The following ZNF512B variants were observed in gnomAD, a reference collection of about 807,000 sequenced individuals.
ZNF512B encodes the protein zinc finger protein 512B.
A neutral mutation model predicts 87.8 loss-of-function variants in ZNF512B; 22 were observed. The ratio of observed to expected loss-of-function variants is 0.25; its 90% confidence interval spans 0.18 to 0.36. The LOEUF is 0.36. Ranked by LOEUF, ZNF512B falls within the 10% of genes least tolerant of loss-of-function variation. The pLI is 1.00. For synonymous variants in ZNF512B, 524 were observed against 490.9 expected, an observed-to-expected ratio of 1.07 and a Z score of -0.89; for missense variants, 1,060 against 1,231.6, an observed-to-expected ratio of 0.86 and a Z score of 2.09.
chr20:63,968,620 G>A (rs562551511), intron 1 of ZNF512B, among the ~76,000 whole-genome samples: 34 of 152,326 alleles, frequency 2.2e-4, no homozygotes, highest in East Asian at 1.2e-3. Context: ...CCAAGCTCCC[G>A]TCCCTGTGCC....
chr20:63,961,462 T>G lies in ZNF512B; in HGVS notation c.2329-55A>C. 6.5e-7 allele frequency: 1 copy of G among 1,537,268 alleles called. No homozygotes were observed. The highest frequency in any genetic ancestry group is 8.9e-7 in the Non-Finnish European group (1 of 1,119,650). On this transcript the variant is annotated intron_variant, in intron 15 of 16. Coordinates refer to ENST00000369888, the MANE Select transcript of ZNF512B (RefSeq NM_020713.3). The surrounding 1 kb of genome is among the most constrained non-coding windows in gnomAD (Gnocchi z 6.4). ...GCCCTTGGAGGACCCAGATCTGTCC[T>G]AAGCCCCTACTCATGGCTAAAGGGT...
chr20:63,960,015 C>T lies in ZNF512B; in HGVS notation c.2552G>A (p.Arg851Gln), dbSNP rs200683378. The T allele has an allele frequency of 3.2e-5, 51 of 1,613,550 alleles. No individual in the cohort carries two copies. The East Asian group carries it at 3.8e-4, about 12-fold the overall frequency. The change falls in exon 17 of 17, where the codon CGG (arginine) becomes CAG (glutamine). Residue 851 changes from arginine to glutamine, a missense_variant. Arg to Gln is a conservative substitution (Grantham distance 43). Around this residue, in one of 9 missense-constraint regions of ZNF512B, gnomAD observed 253 missense variants for 259.2 expected, o/e 0.98. Coordinates refer to ENST00000369888, the MANE Select transcript of ZNF512B (RefSeq NM_020713.3). ...CTTGGCCACAGGCTCCTCTGGGGTC[C>T]GCTCCTTGGGCTTTCGGCCCCGCTT... ...GKKRGRKPKE[R>Q]TPEEPVAKLP...
intron 12 of ZNF512B, 123 bp downstream of exon 12, chr20:63,962,972 G>A: frequency 2.2e-6 from 3 of 1,342,624 alleles, no homozygotes; most frequent in Non-Finnish European, 3.0e-6. Flanking sequence ...GTCTCTTACA[G>A]AGAGGGGTGG....
Position 63,957,074 on chromosome 20 carries a change from C to G in ZNF512B, c.*2814G>C, listed in dbSNP as rs990241215. The stretch of plus-strand genomic sequence containing the variant: ...CTGGGGGAGCCGCCTGGGGCCCCGC[C>G]AAACGCGGCACACGGGGACGGCCCC... On this transcript the variant is annotated 3_prime_UTR_variant, in exon 17 of 17. Coordinates refer to ENST00000369888, the MANE Select transcript of ZNF512B (RefSeq NM_020713.3). 2 of 152,476 alleles carry G rather than the reference C, an allele frequency of 1.3e-5. No homozygotes were observed. The highest frequency in any genetic ancestry group is 2.9e-5 in the Non-Finnish European group (2 of 68,042). The allele number at this position is 152,476 out of a possible 1,614,324, so 9.4% of individuals were successfully genotyped here.
rs774245464 is a variant in ZNF512B, at chr20:63,962,016, G to T, written c.2266-12C>A. On this transcript the variant is annotated splice_polypyrimidine_tract_variant and intron_variant, in intron 14 of 16. Transcript: ENST00000369888. ...ATGGCTTCACAGCACTGCAGGGAAG[G>T]GAGCCGTGGGCGAAGGCCTCTGGTG... 1 of 1,550,870 alleles carries T rather than the reference G, an allele frequency of 6.4e-7. No individual in the cohort carries two copies. Among genetic ancestry groups the T allele is most frequent in the South Asian group, 1.2e-5 (1 of 84,066 alleles).
At chr20:63,969,577 C>A (rs946535983) in intron 1 of ZNF512B, among the ~76,000 whole-genome samples, 9 of 146,272 alleles carry the variant, frequency 6.2e-5, no homozygotes, top group Admixed American at 2.0e-4. Context: ...CGGGCAGGGC[C>A]GATCGCGGGC....
Position 63,964,684 on chromosome 20 carries a change from G to A in ZNF512B, c.1067C>T (p.Pro356Leu). 3.7e-6 allele frequency: 6 copies of A among 1,611,802 alleles called. No homozygotes were observed. Among genetic ancestry groups the A allele is most frequent in the Non-Finnish European group, 5.1e-6 (6 of 1,179,976 alleles). The change falls in exon 6 of 17, where the codon CCA (proline) becomes CTA (leucine). Residue 356 changes from proline to leucine, a missense_variant. Physicochemically the swap from Pro to Leu is moderately conservative, Grantham distance 98. Coordinates refer to ENST00000369888, the MANE Select transcript of ZNF512B (RefSeq NM_020713.3). ...ATTCTCTGGCCTGGCCTGCTTGGGT[G>A]GAATTGGGCAGGTGTCCAGGCTGTC... is the stretch of plus-strand genomic sequence containing the variant. The part of the protein sequence containing the change: ...AADSLDTCPI[P>L]PKQARPENGE...
Position 63,967,835 on chromosome 20 carries a change from T to G in ZNF512B, c.116A>C (p.Lys39Thr), listed in dbSNP as rs1569200471. Residue 39 changes from lysine to threonine, a missense_variant, in exon 2 of 17, where the codon AAG (lysine) becomes ACG (threonine). Transcript: ENST00000369888. ...VRLPMLHDPP[K>T]MGMPVVRGGQ... ...CTGGCCCTGACTCCTCTTACCCATC[T>G]TCGGTGGGTCATGCAGCATTGGAAG... is the stretch of plus-strand genomic sequence containing the variant. 6.2e-7 allele frequency: 1 copy of G among 1,611,978 alleles called. No individual in the cohort carries two copies. Among genetic ancestry groups the G allele is most frequent in the East Asian group, 2.2e-5 (1 of 44,818 alleles).
At position 63,964,073 on chromosome 20, in the gene ZNF512B, G is replaced by A. The variant is rs2058891540; in HGVS notation, c.1478C>T (p.Pro493Leu). The part of the protein sequence containing the change: ...EAPAPVAHPA[P>L]GGPEEQWQRA... The stretch of plus-strand genomic sequence containing the variant: ...AGCCCCTGCCAGGCAGCCCCTACCT[G>A]GAGCTGGGTGGGCCACAGGGGCCGG... Residue 493 changes from proline to leucine, a missense_variant and splice_region_variant, in exon 8 of 17, where the codon CCA (proline) becomes CTA (leucine). This residue lies in a region of ZNF512B where 212 missense variants were observed against 207.6 expected (regional missense o/e 1.02). Transcript: ENST00000369888. 2 of 1,607,758 alleles carry A rather than the reference G, an allele frequency of 1.2e-6. No individual in the cohort carries two copies. Among genetic ancestry groups the A allele is most frequent in the Non-Finnish European group, 1.7e-6 (2 of 1,179,454 alleles).
At chr20:63,960,337 C>T (rs1210409422) in intron 16 of ZNF512B, among the ~76,000 whole-genome samples, 198 bp from the exon 17 acceptor site, 1 of 146,678 alleles carries the variant, frequency 6.8e-6, no homozygotes, top group Non-Finnish European at 1.5e-5. Context: ...CAAGCACCTG[C>T]AGGGGGCTGG....
In ZNF512B at chr20:63,966,794, G is replaced by C. The variant is rs759862782; in HGVS notation, c.394-13C>G. 2 of 1,600,338 alleles carry C rather than the reference G, an allele frequency of 1.2e-6. No homozygotes were observed. Among genetic ancestry groups the C allele is most frequent in the Admixed American group, 3.4e-5 (2 of 58,900 alleles). On this transcript the variant is annotated splice_polypyrimidine_tract_variant and intron_variant, in intron 4 of 16. Coordinates refer to ENST00000369888, the MANE Select transcript of ZNF512B (RefSeq NM_020713.3). The stretch of plus-strand genomic sequence containing the variant: ...CTGAGATGGCACCCTGGGCAGGGAA[G>C]GGAAGGTTTGGGACAGGGCCCCAAG...
intron 12 of ZNF512B, 98 bp from the exon 13 acceptor site, chr20:63,962,879 C>T: frequency 7.5e-7 from 1 of 1,340,684 alleles, no homozygotes; most frequent in Middle Eastern, 2.5e-4. Context: ...GACCCACAGG[C>T]CTCCCAGTGT....
In ZNF512B at chr20:63,963,249, A is replaced by C; in HGVS notation, c.1814T>G (p.Phe605Cys). The change falls in exon 12 of 17, where the codon TTC becomes TGC. Residue 605 changes from phenylalanine to cysteine, a missense_variant. Coordinates refer to ENST00000369888, the MANE Select transcript of ZNF512B (RefSeq NM_020713.3). ...GTACTGGTAGCCCATGAGGCTGGAG[A>C]AGGCAGCCCCGCAACCCTGGGGGTC... ...RCPQEGCGAA[F>C]SSLMGYQYHQ... The C allele has an allele frequency of 6.5e-7, 1 of 1,546,986 alleles. No individual in the cohort carries two copies. Among genetic ancestry groups the C allele is most frequent in the Non-Finnish European group, 8.7e-7 (1 of 1,149,844 alleles).
Position 63,966,226 on chromosome 20 carries a change from G to T in ZNF512B, c.949C>A (p.His317Asn), listed in dbSNP as rs2146894793. 6.2e-7 allele frequency: 1 copy of T among 1,614,018 alleles called. No individual in the cohort carries two copies. The highest frequency in any genetic ancestry group is 2.2e-5 in the East Asian group (1 of 44,894). Residue 317 changes from histidine to asparagine, a missense_variant, in exon 5 of 17, where the codon CAC becomes AAC. Coordinates refer to ENST00000369888, the MANE Select transcript of ZNF512B (RefSeq NM_020713.3). ...AGCACCATTTTGCAGGGCGGTGTGT[G>T]TCTGCTGATAGCAATGGGCCTGCTG... ...TVSRPIAISR[H>N]TPPCKMVLLT...
rs1464863465 is a variant in ZNF512B at position 63,959,727 on chromosome 20, G to GCCA, written c.*158_*160dup. The GCCA allele has an allele frequency of 2.1e-5, 24 of 1,158,046 alleles. No individual in the cohort carries two copies. Among genetic ancestry groups the GCCA allele is most frequent in the Non-Finnish European group, 2.6e-5 (22 of 850,408 alleles). 71.7% of individuals were successfully genotyped at this position (1,158,046 alleles called of 1,614,324 possible). On this transcript the variant is annotated 3_prime_UTR_variant, in exon 17 of 17. Transcript: ENST00000369888. ...CTGTGGCAGCCTTAACAGGGGAAGG[G>GCCA]CCACCTTCAGGGAAGGGAGAGTGGC...
At position 63,961,426 on chromosome 20, in the gene ZNF512B, C is replaced by T. The variant is rs1385706751; in HGVS notation, c.2329-19G>A. 1 of 1,604,550 alleles carries T rather than the reference C, an allele frequency of 6.2e-7. No homozygotes were observed. The highest frequency in any genetic ancestry group is 2.2e-5 in the East Asian group (1 of 44,832). ...GGGCCCCCTGCAATGCATAGGCAGG[C>T]CAGTGCCCCAGCCCTTGGAGGACCC... On this transcript the variant is annotated intron_variant, in intron 15 of 16. Coordinates refer to ENST00000369888, the MANE Select transcript of ZNF512B (RefSeq NM_020713.3). This position sits in a 1 kb window ranked among gnomAD's most constrained non-coding sequence, Gnocchi z 6.4.
chr20:63,967,246 G>A, intron 3 of ZNF512B, 135 bp downstream of exon 3: 1 of 1,386,812 alleles, frequency 7.2e-7, no homozygotes, highest in South Asian at 1.4e-5. Flanking sequence ...CAGGCCACGT[G>A]AAGTCTGCCA....
Position 63,958,246 on chromosome 20 carries a change from T to C in ZNF512B, c.*1642A>G, listed in dbSNP as rs2058806638. 6.6e-6 allele frequency: 1 copy of C among 152,366 alleles called. No homozygotes were observed. Among genetic ancestry groups the C allele is most frequent in the Admixed American group, 6.6e-5 (1 of 15,260 alleles). The allele number at this position is 152,366 out of a possible 1,614,324, so 9.4% of individuals were successfully genotyped here. A position where few individuals can be genotyped will look rare whatever the true frequency, so the allele number is the denominator to read the frequency against. ...GGGTGGGTGCTGGGGGCAGAGGCAG[T>C]GCCCAGTCAGTACTGCCTCCCTGAG... On this transcript the variant is annotated 3_prime_UTR_variant, in exon 17 of 17. Transcript: ENST00000369888.
At chr20:63,964,738 A>T (rs912214828) in intron 5 of ZNF512B, 22 bp from the exon 6 acceptor site, 5 of 1,604,660 alleles carry the variant, frequency 3.1e-6, no homozygotes, top group Non-Finnish European at 4.3e-6. Context: ...AGGTGAGGTG[A>T]GGGCCAGGAG....
Sources: gnomAD v4.1 joint callset for allele counts (sites outside exome capture counted in the v4.1 genomes callset) on GRCh38, gnomAD v4.1.1 for gene constraint, gnomAD v4.1.1 regional missense constraint, Gnocchi (gnomAD v3.1) non-coding constraint, MANE v1.5 for transcripts, NCBI Gene and HGNC (gene_info 2026-07-23, HGNC 2026-07-21) for gene names.